The following RAPGEF6 variants were observed in gnomAD, a reference collection of about 807,000 sequenced individuals.
The protein encoded by RAPGEF6 is Rap guanine nucleotide exchange factor 6.
A neutral mutation model predicts 171.4 loss-of-function variants in RAPGEF6; 56 were observed. That is an observed-to-expected ratio of 0.33 (90% CI 0.26 to 0.41). RAPGEF6 has a LOEUF of 0.41. RAPGEF6 is among the 10% of genes least tolerant of loss of function. The pLI is 1.00. For synonymous variants in RAPGEF6, 692 were observed against 650.1 expected (o/e 1.06, Z -0.98); for missense variants, 1,674 against 1,921.4 (o/e 0.87, Z 2.41).
At chr5:131,475,520 C>T (rs547319968) in intron 16 of RAPGEF6, among the ~76,000 whole-genome samples, 35 of 152,190 alleles carry the variant, frequency 2.3e-4, no homozygotes, top group African/African-American at 5.8e-4. Flanking sequence ...AAATATAATT[C>T]CAGTTAAGCA....
chr5:131,565,543 A>C (rs958832753), intron 4 of RAPGEF6, among the ~76,000 whole-genome samples: 3 of 152,208 alleles, frequency 2.0e-5, no homozygotes, highest in African/African-American at 7.2e-5. Flanking sequence ...AATAGCTAAA[A>C]CAACTTTGGA....
intron 8 of RAPGEF6, among the ~76,000 whole-genome samples, chr5:131,509,868 G>T (rs1757608869): frequency 6.6e-6 from 1 of 152,182 alleles, no homozygotes; most frequent in African/African-American, 2.4e-5. Flanking sequence ...TAGCAGAAGT[G>T]ATGATGCATT....
intron 17 of RAPGEF6, among the ~76,000 whole-genome samples, chr5:131,466,211 C>A (rs1332319498): frequency 2.0e-5 from 3 of 151,910 alleles, no homozygotes; most frequent in Non-Finnish European, 4.4e-5. Context: ...GTTCTGGGTC[C>A]TCTCAAGTTG....
chr5:131,505,944 C>T (rs922496444), intron 9 of RAPGEF6, among the ~76,000 whole-genome samples: 1 of 152,088 alleles, frequency 6.6e-6, no homozygotes, highest in African/African-American at 2.4e-5. Flanking sequence ...AATGAGTTAA[C>T]ACATACACTG....
chr5:131,473,831 CTG>C (rs1161659984), intron 16 of RAPGEF6, among the ~76,000 whole-genome samples: 1 of 152,052 alleles, frequency 6.6e-6, no homozygotes, highest in African/African-American at 2.4e-5. Context: ...GAGAGTTAGA[CTG>C]TTAAATAAAC....
intron 4 of RAPGEF6, among the ~76,000 whole-genome samples, chr5:131,586,213 A>G (rs1337182279): frequency 6.6e-6 from 1 of 152,266 alleles, no homozygotes; most frequent in Non-Finnish European, 1.5e-5. Flanking sequence ...GACAATGAAT[A>G]AGACAGAGTG....
intron 1 of RAPGEF6, among the ~76,000 whole-genome samples, chr5:131,608,637 A>T (rs1253674389): frequency 6.6e-6 from 1 of 152,220 alleles, no homozygotes; most frequent in Non-Finnish European, 1.5e-5. Context: ...GGTAGGACCT[A>T]GCAAGAGCTG....
At chr5:131,538,034 A>G (rs1759887013) in intron 6 of RAPGEF6, among the ~76,000 whole-genome samples, 2 of 152,008 alleles carry the variant, frequency 1.3e-5, no homozygotes, top group Non-Finnish European at 2.9e-5. Context: ...CAAAGCTGCA[A>G]TGAGCTGTGA....
chr5:131,495,225 G>A (rs955441480), intron 13 of RAPGEF6, among the ~76,000 whole-genome samples: 3 of 151,876 alleles, frequency 2.0e-5, no homozygotes, highest in African/African-American at 7.3e-5. Context: ...AACCTGGAAA[G>A]CGGAGGTCGC....
intron 6 of RAPGEF6, among the ~76,000 whole-genome samples, chr5:131,528,275 TTATA>T (rs1158226677): frequency 3.6e-4 from 45 of 123,906 alleles, no homozygotes; most frequent in Non-Finnish European, 6.5e-4. Context: ...TATATTTATA[TTATA>T]TATATATAAA....
At chr5:131,575,902 T>G (rs1222203060) in intron 4 of RAPGEF6, among the ~76,000 whole-genome samples, 2 of 152,114 alleles carry the variant, frequency 1.3e-5, no homozygotes, top group Non-Finnish European at 2.9e-5. Flanking sequence ...AGCCACCACT[T>G]CAATACTTCT....
intron 4 of RAPGEF6, among the ~76,000 whole-genome samples, chr5:131,569,111 T>C (rs940671853): frequency 1.3e-5 from 2 of 152,224 alleles, no homozygotes; most frequent in Non-Finnish European, 2.9e-5. Flanking sequence ...GCCATGTTCA[T>C]AGGCTGGAAA....
At chr5:131,501,598 T>C (rs1033963081) in intron 11 of RAPGEF6, among the ~76,000 whole-genome samples, 1 of 151,960 alleles carries the variant, frequency 6.6e-6, no homozygotes, top group Middle Eastern at 3.4e-3. Context: ...TTAAAATCTA[T>C]TGTAAAATAT....
chr5:131,552,179 T>G (rs1038499602), intron 5 of RAPGEF6, among the ~76,000 whole-genome samples: 31 of 151,762 alleles, frequency 2.0e-4, no homozygotes, highest in Admixed American at 1.2e-3. Flanking sequence ...AACCTACTCA[T>G]AAAGCTCATC....
At chr5:131,533,603 T>C (rs886104588) in intron 6 of RAPGEF6, among the ~76,000 whole-genome samples, 9 of 152,036 alleles carry the variant, frequency 5.9e-5, no homozygotes, top group African/African-American at 2.2e-4. Flanking sequence ...AGTACTAAGA[T>C]TTGTAGGTAG....
At chr5:131,486,790 C>A (rs1298123388) in intron 15 of RAPGEF6, among the ~76,000 whole-genome samples, 1 of 140,096 alleles carries the variant, frequency 7.1e-6, no homozygotes, top group East Asian at 2.1e-4. Context: ...AGTGCAGTGG[C>A]GCAATCTCGG....
chr5:131,530,660 ATCCAGAATCCTGC>A (rs1334244159), intron 6 of RAPGEF6, among the ~76,000 whole-genome samples: 1 of 152,210 alleles, frequency 6.6e-6, no homozygotes, highest in African/African-American at 2.4e-5. Flanking sequence ...TAGAGTACCA[ATCCAGAATCCTGC>A]TCATATAATG....
chr5:131,566,313 C>G (rs1001848297), intron 4 of RAPGEF6, among the ~76,000 whole-genome samples: 1 of 152,074 alleles, frequency 6.6e-6, no homozygotes, highest in African/African-American at 2.4e-5. Flanking sequence ...TTCCCAGAAG[C>G]TTTTTCTGCA....
chr5:131,486,776 C>T (rs1215071867), intron 15 of RAPGEF6, among the ~76,000 whole-genome samples: 10 of 139,948 alleles, frequency 7.1e-5, no homozygotes, highest in East Asian at 2.1e-4. Context: ...GTCCCCCAGG[C>T]GGGAGTGCAG....
Sources: gnomAD v4.1 joint callset for allele counts (sites outside exome capture counted in the v4.1 genomes callset) on GRCh38, gnomAD v4.1.1 for gene constraint, MANE v1.5 for transcripts, NCBI Gene and HGNC (gene_info 2026-07-23, HGNC 2026-07-21) for gene names.